Variants in ST6GAL1 observed in about 807,000 individuals in gnomAD.
ST6GAL1 encodes ST6 beta-galactoside alpha-2,6-sialyltransferase 1, also known as beta-galactoside alpha-2,6-sialyltransferase 1.
Under a neutral mutation model 38.0 loss-of-function variants are expected in ST6GAL1, and 20 were observed. The ratio of observed to expected loss-of-function variants is 0.53; its 90% CI spans 0.37 to 0.77. ST6GAL1 has a LOEUF of 0.77. Among genes scored for constraint, ST6GAL1 ranks in the 30% least tolerant of loss-of-function variants. The probability of loss-of-function intolerance (pLI) is 0.00; values close to 1 mark genes in which losing one functional copy is unlikely to be tolerated. For synonymous variants in ST6GAL1, 196 were observed against 188.2 expected, an observed-to-expected ratio of 1.04 and a Z score of -0.34; for missense variants, 432 against 496.4, an observed-to-expected ratio of 0.87 and a Z score of 1.23.
rs185293611 is a variant in ST6GAL1 at position 186,931,558 on chromosome 3, G to A, written c.-325+724G>A. Among the ~76,000 whole-genome samples, 464 of 152,344 alleles carry A rather than the reference G, an allele frequency of 3.0e-3. 2 individuals are homozygous for A. Among genetic ancestry groups the A allele is most frequent in the Non-Finnish European group, 5.4e-3 (367 of 68,034 alleles). ...ACCTTCACCTCCTGGAGGTCTCTTA[G>A]AGATGTGGGTTGGGTTAAGGGTCTA... On this transcript the variant is annotated intron_variant, in intron 1 of 7. Coordinates refer to ENST00000169298, the MANE Select transcript of ST6GAL1 (RefSeq NM_173216.2).
intron 5 of ST6GAL1, chr3:187,051,622 T>G (rs2108587257): frequency 5.3e-6 from 2 of 380,736 alleles, no homozygotes; most frequent in African/African-American, 2.1e-5. Flanking sequence ...TGCAAGGTCA[T>G]ACCTGGAGGT....
At chr3:187,038,093 T>C (rs961351839) in intron 2 of ST6GAL1, among the ~76,000 whole-genome samples, 1 of 152,068 alleles carries the variant, frequency 6.6e-6, no homozygotes, top group Non-Finnish European at 1.5e-5. Flanking sequence ...AATTACTCCC[T>C]GTTTACCTCC....
rs1214041883 is a variant in ST6GAL1 at position 187,022,357 on chromosome 3, T to G, written c.-182-16385T>G. 3.9e-5 allele frequency among the ~76,000 whole-genome samples: 6 copies of G among 152,010 alleles called. No homozygotes were observed. The East Asian group carries it at 7.7e-4, about 20-fold the overall frequency. ...AGAGAGTTTTCCCTACACAGGGACT[T>G]GGGGGGTAGAGGGTTAGGGGAGGGC... On this transcript the variant is annotated intron_variant, in intron 2 of 7. Coordinates refer to ENST00000169298, the MANE Select transcript of ST6GAL1 (RefSeq NM_173216.2).
In ST6GAL1 at chr3:187,042,771, T is replaced by C. The variant is rs1435899723; in HGVS notation, c.68T>C (p.Ile23Thr). 2 of 1,614,060 alleles carry C rather than the reference T, an allele frequency of 1.2e-6. No homozygotes were observed. Among genetic ancestry groups the C allele is most frequent in the Non-Finnish European group, 1.7e-6 (2 of 1,180,026 alleles). ...CVLVFLLFAV[I>T]CVWKEKKKGS... is the part of the protein sequence containing the mutation. ...CTGGTCTTTCTTCTGTTTGCAGTCA[T>C]CTGTGTGTGGAAGGAAAAGAAGAAA... Residue 23 changes from isoleucine (I) to threonine (T), a missense_variant, in exon 4 of 8, where the codon ATC becomes ACC. Transcript: ENST00000169298.
intron 2 of ST6GAL1, among the ~76,000 whole-genome samples, chr3:186,984,084 G>A (rs1198413590): frequency 6.6e-6 from 1 of 152,100 alleles, no homozygotes; most frequent in Non-Finnish European, 1.5e-5. Flanking sequence ...TTCCATTAAA[G>A]TAGCACCATC....
intron 2 of ST6GAL1, among the ~76,000 whole-genome samples, chr3:186,990,497 A>G (rs913293132): frequency 6.6e-6 from 1 of 152,112 alleles, no homozygotes; most frequent in Non-Finnish European, 1.5e-5. Context: ...TAGACTATTG[A>G]TAGACTTGAT....
At chr3:186,967,337 G>T (rs143227248) in intron 2 of ST6GAL1, among the ~76,000 whole-genome samples, 4 of 149,338 alleles carry the variant, frequency 2.7e-5, no homozygotes, top group Non-Finnish European at 4.4e-5. Flanking sequence ...GATTACAGGC[G>T]CCTGCCACCA....
At chr3:187,015,591 A>G (rs1717088231) in intron 2 of ST6GAL1, among the ~76,000 whole-genome samples, 1 of 152,158 alleles carries the variant, frequency 6.6e-6, no homozygotes, top group Admixed American at 6.6e-5. Context: ...TAATCCCAGC[A>G]CTTTGGGAGG....
intron 2 of ST6GAL1, among the ~76,000 whole-genome samples, chr3:187,010,198 A>C (rs1323165100): frequency 6.6e-6 from 1 of 152,160 alleles, no homozygotes; most frequent in Non-Finnish European, 1.5e-5. Context: ...ACTGGGTTAA[A>C]AGAGAATGGT....
chr3:187,043,208 C>G lies in ST6GAL1; in HGVS notation c.505C>G (p.Leu169Val), dbSNP rs1718188209. 6.2e-7 allele frequency: 1 copy of G among 1,614,082 alleles called. No individual in the cohort carries two copies. The highest frequency in any genetic ancestry group is 1.3e-5 in the African/African-American group (1 of 74,920). ...PFNTSEWEGY[L>V]PKESIRTKAG... ...CAATACCTCTGAATGGGAGGGTTAT[C>G]TGCCCAAGGAGAGCATTAGGACCAA... is the stretch of plus-strand genomic sequence containing the variant. The change falls in exon 4 of 8, where the codon CTG (leucine) becomes GTG (valine). Residue 169 changes from leucine (L) to valine (V), a missense_variant. Leu to Val is a conservative substitution (Grantham distance 32). Transcript: ENST00000169298.
chr3:187,074,182 TTTC>T lies in ST6GAL1; in HGVS notation c.831_833del (p.Phe278del). 1 of 1,607,628 alleles carries T rather than the reference TTTC, an allele frequency of 6.2e-7. No homozygotes were observed. Among genetic ancestry groups the T allele is most frequent in the South Asian group, 1.1e-5 (1 of 89,060 alleles). On this transcript the variant is annotated inframe_deletion, in exon 7 of 8. Transcript: ENST00000169298. ...AGTGGTACCAGAATCCGGATTATAA[TTTC>T]TTTAACAACTACAAGACTTATCGTA...
intron 2 of ST6GAL1, among the ~76,000 whole-genome samples, chr3:186,969,220 T>TTA (rs1715258560): frequency 6.6e-6 from 1 of 152,020 alleles, no homozygotes; most frequent in East Asian, 1.9e-4. Flanking sequence ...GCCTGGCCTA[T>TTA]TTTTGTATTT....
intron 2 of ST6GAL1, among the ~76,000 whole-genome samples, chr3:186,971,167 C>A (rs1715334690): frequency 6.6e-6 from 1 of 152,346 alleles, no homozygotes; most frequent in Middle Eastern, 3.4e-3. Flanking sequence ...TGGCTCACTG[C>A]AACCTCCACC....
At chr3:186,967,187 T>G (rs1304568607) in intron 2 of ST6GAL1, among the ~76,000 whole-genome samples, 1 of 152,194 alleles carries the variant, frequency 6.6e-6, no homozygotes, top group Admixed American at 6.5e-5. Flanking sequence ...AAGAGGTGTT[T>G]TTTTGTTTGT....
chr3:186,998,176 A>G (rs1716484149), intron 2 of ST6GAL1, among the ~76,000 whole-genome samples: 1 of 152,236 alleles, frequency 6.6e-6, no homozygotes, highest in African/African-American at 2.4e-5. Flanking sequence ...GGTTAAGGGC[A>G]CTAGCTCCCT....
chr3:186,963,404 C>T (rs1376580959), intron 1 of ST6GAL1, among the ~76,000 whole-genome samples: 2 of 152,234 alleles, frequency 1.3e-5, no homozygotes, highest in Non-Finnish European at 2.9e-5. Flanking sequence ...AAACAACATA[C>T]TATAGGTCAA....
At chr3:187,066,597 C>CATGCGTGT (rs1553836629) in intron 5 of ST6GAL1, among the ~76,000 whole-genome samples, 1 of 116,936 alleles carries the variant, frequency 8.6e-6, no homozygotes, top group African/African-American at 3.1e-5. Context: ...GATGTGCGTG[C>CATGCGTGT]GTGCGTGTGT....
chr3:186,952,804 G>C lies in ST6GAL1; in HGVS notation c.-324-10981G>C, dbSNP rs1176592202. 6.6e-6 allele frequency among the ~76,000 whole-genome samples: 1 copy of C among 152,118 alleles called. No individual in the cohort carries two copies. The highest frequency in any genetic ancestry group is 6.5e-5 in the Admixed American group (1 of 15,274). On this transcript the variant is annotated intron_variant, in intron 1 of 7. Coordinates refer to ENST00000169298, the MANE Select transcript of ST6GAL1 (RefSeq NM_173216.2). The surrounding 1 kb of genome is among the most constrained non-coding windows in gnomAD (Gnocchi z 4.1). ...AGATATTCAACCATCTACTTGACAA[G>C]TTTCCTTAGACATCTAATATACATC...
chr3:187,068,537 A>G (rs1579382134), intron 5 of ST6GAL1, among the ~76,000 whole-genome samples: 1 of 152,326 alleles, frequency 6.6e-6, no homozygotes, highest in South Asian at 2.1e-4. Flanking sequence ...GAGGTATGAC[A>G]GTACCTAGCA....
Sources: allele counts gnomAD v4.1 joint callset (sites outside exome capture counted in the v4.1 genomes callset), GRCh38; gene constraint gnomAD v4.1.1; non-coding constraint Gnocchi (gnomAD v3.1); transcripts MANE v1.5; gene names NCBI Gene and HGNC (gene_info 2026-07-23, HGNC 2026-07-21).